SLC39A12: variants seen among roughly 807,000 people sequenced by gnomAD.
SLC39A12 encodes solute carrier family 39 member 12.
SLC39A12 carries 63 observed loss-of-function variants against 71.1 expected under a neutral mutation model. The observed-to-expected ratio is 0.89, with a 90% CI of 0.72 to 1.09. The LOEUF is 1.09. SLC39A12 is among the 50% of genes least tolerant of loss of function. The pLI, the probability that SLC39A12 is intolerant of heterozygous loss-of-function variation, is 0.00. For missense variants in SLC39A12, 892 were observed against 812.6 expected (o/e 1.10, Z -1.19); for synonymous variants, 351 against 301.3 (o/e 1.16, Z -1.71).
Position 18,033,617 on chromosome 10 carries a change from A to AT in SLC39A12, c.1948-9082dup, listed in dbSNP as rs1419195818. Among the ~76,000 whole-genome samples the AT allele has an allele frequency of 7.2e-4, 105 of 145,954 alleles. 1 individual carries two copies. Among genetic ancestry groups the AT allele is most frequent in the East Asian group, 3.9e-3 (19 of 4,818 alleles). On this transcript the variant is annotated intron_variant, in intron 12 of 12. Transcript: ENST00000377369. Reference sequence around the variant, plus strand: ...AAAAAACCAGCTCCTGGATTCATTGATTTTTTGAAGCGTTTTTTGTGTCTC... The same window carrying AT: ...AAAAAACCAGCTCCTGGATTCATTGATTTTTTTGAAGCGTTTTTTGTGTCTC...
chr10:17,977,107 A>G (rs1835129920), intron 4 of SLC39A12, among the ~76,000 whole-genome samples: 2 of 151,888 alleles, frequency 1.3e-5, no homozygotes, highest in African/African-American at 4.8e-5. Context: ...TGTTTCACTT[A>G]TTGTCTCGAT....
At chr10:17,986,694 A>C (rs1342854820) in intron 6 of SLC39A12, among the ~76,000 whole-genome samples, 1 of 152,234 alleles carries the variant, frequency 6.6e-6, no homozygotes, top group Non-Finnish European at 1.5e-5. Context: ...TTAAAAATTT[A>C]AAAACTTTTT....
At chr10:17,973,378 T>A (rs1389229803) in intron 4 of SLC39A12, among the ~76,000 whole-genome samples, 2 of 152,178 alleles carry the variant, frequency 1.3e-5, no homozygotes, top group Admixed American at 1.3e-4. Context: ...TCTATTTCTT[T>A]CTGATTGAAG....
chr10:18,009,555 G>C (rs1037941697), intron 12 of SLC39A12: 2 of 152,144 alleles, frequency 1.3e-5, no homozygotes, highest in Non-Finnish European at 2.9e-5. Flanking sequence ...TCCTCTCCAA[G>C]ACTATCCCTT....
chr10:17,993,243 A>T lies in SLC39A12; in HGVS notation c.1485A>T (p.Glu495Asp). The T allele has an allele frequency of 6.4e-7, 1 of 1,551,968 alleles. No individual in the cohort carries two copies. The highest frequency in any genetic ancestry group is 8.7e-7 in the Non-Finnish European group (1 of 1,147,014). The change falls in exon 9 of 13, where the codon GAA (glutamate) becomes GAT (aspartate). Residue 495 changes from glutamate to aspartate, a missense_variant. Coordinates refer to ENST00000377369, the MANE Select transcript of SLC39A12 (RefSeq NM_001145195.2). ...CCCACCATCTTGCACTCAACTCTGA[A>T]TTAAGTGACCAGGCAGGCAGAGGCA... The part of the protein sequence containing the change: ...GHSHHLALNS[E>D]LSDQAGRGKS...
chr10:18,027,934 C>T (rs1404978982), intron 12 of SLC39A12, among the ~76,000 whole-genome samples: 1 of 152,164 alleles, frequency 6.6e-6, no homozygotes, highest in African/African-American at 2.4e-5. Flanking sequence ...AATGTGTGTT[C>T]CTCTAGAAAT....
chr10:18,003,295 T>A lies in SLC39A12; in HGVS notation c.1884T>A (p.Cys628Ter), dbSNP rs556263386. The A allele has an allele frequency of 6.2e-7, 1 of 1,614,126 alleles. No homozygotes were observed. The highest frequency in any genetic ancestry group is 1.7e-5 in the Admixed American group (1 of 60,024). ...GCCTTTCCGTGTCAGCTGATCCATGTGTTCAAGACTGGATCTTCACAGTCA... is the reference window on the plus strand; with the variant it reads ...GCCTTTCCGTGTCAGCTGATCCATGAGTTCAAGACTGGATCTTCACAGTCA... ...YIGLSVSADP[C>*]VQDWIFTVTA... Residue 628 changes from cysteine (C) to a stop codon, truncating the protein, a stop_gained, in exon 12 of 13, where the codon TGT becomes TGA. Coordinates refer to ENST00000377369, the MANE Select transcript of SLC39A12 (RefSeq NM_001145195.2). LOFTEE classifies it high-confidence loss of function.
rs1554847413 is a variant in SLC39A12, at chr10:17,953,518, T to C, written c.242T>C (p.Met81Thr). The change falls in exon 2 of 13, where the codon ATG becomes ACG. Residue 81 changes from methionine (M) to threonine (T), a missense_variant. By Grantham distance (81) the Met-to-Thr change is moderately conservative. Coordinates refer to ENST00000377369, the MANE Select transcript of SLC39A12 (RefSeq NM_001145195.2). Reference sequence around the variant, plus strand: ...GGGTGCCCACGGAGGAGAAACGGAATGCAAGGAGATTGCAATCTGGTTAGT... The same window carrying C: ...GGGTGCCCACGGAGGAGAAACGGAACGCAAGGAGATTGCAATCTGGTTAGT... ...KTGCPRRRNG[M>T]QGDCNLCFEP... The C allele has an allele frequency of 1.2e-6, 2 of 1,614,136 alleles. No homozygotes were observed. The highest frequency in any genetic ancestry group is 8.5e-7 in the Non-Finnish European group (1 of 1,180,036).
At chr10:18,012,141 A>G (rs141371999) in intron 12 of SLC39A12, among the ~76,000 whole-genome samples, 3 of 152,330 alleles carry the variant, frequency 2.0e-5, no homozygotes, top group East Asian at 3.9e-4. Flanking sequence ...AGTGTTGAGG[A>G]TTCTACTCTT....
At chr10:18,024,653 A>G (rs138366627) in intron 12 of SLC39A12, among the ~76,000 whole-genome samples, 64 of 152,290 alleles carry the variant, frequency 4.2e-4, no homozygotes, top group African/African-American at 1.4e-3. Flanking sequence ...AGCTACTTCT[A>G]GTGAGCCACC....
intron 12 of SLC39A12, among the ~76,000 whole-genome samples, chr10:18,023,893 C>G (rs1311733627): frequency 6.6e-6 from 1 of 152,260 alleles, no homozygotes; most frequent in African/African-American, 2.4e-5. Context: ...TGAGGAGTAG[C>G]AGGGACAGGG....
chr10:17,996,161 T>C (rs771167909), intron 10 of SLC39A12, among the ~76,000 whole-genome samples: 2 of 152,242 alleles, frequency 1.3e-5, no homozygotes, highest in African/African-American at 2.4e-5. Context: ...ATTGAGATGG[T>C]AGAATTCAAA....
rs1451033430 is a variant in SLC39A12 at position 17,978,008 on chromosome 10, G to C, written c.858G>C (p.Gln286His). 6.2e-7 allele frequency: 1 copy of C among 1,607,582 alleles called. No homozygotes were observed. Among genetic ancestry groups the C allele is most frequent in the Non-Finnish European group, 8.5e-7 (1 of 1,177,696 alleles). Residue 286 changes from glutamine to histidine, a missense_variant, in exon 5 of 13, where the codon CAG becomes CAC. Physicochemically the swap from Gln to His is conservative, Grantham distance 24. Transcript: ENST00000377369. ...AAAACAACATAATAACCCATGATCA[G>C]GACTATTCTAATTTCTCTTCATCCA... ...RKQNNIITHD[Q>H]DYSNFSSSME...
intron 6 of SLC39A12, 74 bp downstream of exon 6, chr10:17,981,557 T>A (rs998328869): frequency 2.4e-6 from 3 of 1,233,910 alleles, no homozygotes; most frequent in Admixed American, 2.3e-5. Context: ...GCAGGATACT[T>A]ACTATATACC....
intron 2 of SLC39A12, among the ~76,000 whole-genome samples, 169 bp downstream of exon 2, chr10:17,953,706 A>G (rs10508554): frequency 0.29 from 44,180 of 152,114 alleles, 6,661 homozygotes; most frequent in South Asian, 0.33. Context: ...GCAAATCAGC[A>G]TTCTATGTAT....
chr10:17,999,034 C>T (rs1038252831), intron 10 of SLC39A12, among the ~76,000 whole-genome samples: 8 of 152,086 alleles, frequency 5.3e-5, no homozygotes, highest in African/African-American at 1.9e-4. Context: ...CAGTGGCTAA[C>T]GCCTGTAATC....
At chr10:17,993,099 A>G (rs1835596476) in intron 8 of SLC39A12, 82 bp from the exon 9 acceptor site, 11 of 962,050 alleles carry the variant, frequency 1.1e-5, no homozygotes, top group East Asian at 2.8e-5. Context: ...CCAATAGGCA[A>G]TGGAATGGAA....
At chr10:17,991,888 AG>A (rs1396614671) in intron 8 of SLC39A12, among the ~76,000 whole-genome samples, 8 of 152,130 alleles carry the variant, frequency 5.3e-5, no homozygotes, top group African/African-American at 2.4e-5. Flanking sequence ...CAGGAGTTTG[AG>A]GCCAGCCTGG....
At chr10:17,998,029 C>T (rs766204425) in intron 10 of SLC39A12, among the ~76,000 whole-genome samples, 1 of 152,148 alleles carries the variant, frequency 6.6e-6, no homozygotes, top group Non-Finnish European at 1.5e-5. Flanking sequence ...GATGGAAACT[C>T]GCTCTGTCAC....
Sources: allele counts gnomAD v4.1 joint callset (sites outside exome capture counted in the v4.1 genomes callset), GRCh38; gene constraint gnomAD v4.1.1; transcripts MANE v1.5; gene names NCBI Gene and HGNC (gene_info 2026-07-23, HGNC 2026-07-21).